The following ANKFN1 variants were observed in gnomAD, a reference collection of about 807,000 sequenced individuals.
ANKFN1 encodes ankyrin repeat and fibronectin type III domain containing 1.
A neutral mutation model predicts 108.7 loss-of-function variants in ANKFN1; 74 were observed. That is an observed-to-expected ratio of 0.68 (90% confidence interval 0.56 to 0.83). The LOEUF (loss-of-function observed/expected upper bound fraction) is 0.83, where lower values mean the gene tolerates loss of function less well. Ranked by LOEUF, ANKFN1 falls within the 40% of genes least tolerant of loss-of-function variation. The pLI is 0.00. For missense variants in ANKFN1, 1,505 were observed against 1,382.3 expected, an observed-to-expected ratio of 1.09 and a Z score of -1.41; for synonymous variants, 547 against 516.2, an observed-to-expected ratio of 1.06 and a Z score of -0.81.
chr17:56,127,354 C>T (rs894196054), intron 4 of ANKFN1, among the ~76,000 whole-genome samples: 9 of 152,090 alleles, frequency 5.9e-5, no homozygotes, highest in Non-Finnish European at 1.3e-4. Context: ...TGCTCTGTTG[C>T]CCTGACTGGA....
intron 18 of ANKFN1, among the ~76,000 whole-genome samples, chr17:56,485,441 T>C (rs766316831): frequency 6.6e-6 from 1 of 152,128 alleles, no homozygotes; most frequent in African/African-American, 2.4e-5. Flanking sequence ...GAGATCAGCA[T>C]ATCTGGAGCA....
At chr17:56,507,095 A>G (rs548988425) in intron 20 of ANKFN1, among the ~76,000 whole-genome samples, 2 of 152,318 alleles carry the variant, frequency 1.3e-5, no homozygotes, top group African/African-American at 4.8e-5. Flanking sequence ...ACTACAGTCA[A>G]TTATGAATTC....
chr17:56,315,721 C>G (rs994017699), intron 3 of ANKFN1, among the ~76,000 whole-genome samples: 9 of 152,136 alleles, frequency 5.9e-5, no homozygotes, highest in Admixed American at 3.9e-4. Context: ...TAGAAAGTAG[C>G]CAGAGCAGCC....
intron 1 of ANKFN1, among the ~76,000 whole-genome samples, chr17:56,162,960 T>C (rs1015792205): frequency 6.7e-6 from 1 of 150,012 alleles, no homozygotes; most frequent in African/African-American, 2.5e-5. Flanking sequence ...GCTTGAACCC[T>C]GGAGGCAGAG....
Position 56,499,389 on chromosome 17 carries a change from T to C in ANKFN1, c.2644+291T>C, listed in dbSNP as rs140793530. Among the ~76,000 whole-genome samples, 10 of 152,200 alleles carry C rather than the reference T, an allele frequency of 6.6e-5. No homozygotes were observed. In the East Asian group the frequency reaches 1.9e-3, roughly 29 times the overall value. On this transcript the variant is annotated intron_variant, in intron 20 of 20. Coordinates refer to ENST00000682825, the MANE Select transcript of ANKFN1 (RefSeq NM_001370326.1). ...TAAAACAGGGATACAGCTTCAAAGA[T>C]GCAGACTGGGGACCACTGTGATGCC...
chr17:56,073,308 T>A (rs1325532446), intron 4 of ANKFN1, among the ~76,000 whole-genome samples: 3 of 152,232 alleles, frequency 2.0e-5, no homozygotes, highest in Non-Finnish European at 4.4e-5. Context: ...TTTCTTAACA[T>A]CCTAACGTTT....
At chr17:56,449,783 G>A (rs567583971) in intron 11 of ANKFN1, among the ~76,000 whole-genome samples, 19 of 152,176 alleles carry the variant, frequency 1.2e-4, no homozygotes, top group African/African-American at 4.6e-4. Context: ...CTCCTGACAC[G>A]CTTCATTTTT....
At chr17:56,437,990 G>GTGTA (rs1388953193) in intron 8 of ANKFN1, among the ~76,000 whole-genome samples, 6 of 151,500 alleles carry the variant, frequency 4.0e-5, no homozygotes, top group African/African-American at 1.2e-4. Flanking sequence ...GTGTGTGTGT[G>GTGTA]TGTGTGTGTG....
intron 1 of ANKFN1, among the ~76,000 whole-genome samples, chr17:56,185,378 A>T (rs535707766): frequency 5.9e-5 from 9 of 152,318 alleles, no homozygotes; most frequent in African/African-American, 1.9e-4. Flanking sequence ...CATAAATCCC[A>T]GTTTTAATTA....
chr17:56,065,080 C>A (rs1408645275), intron 4 of ANKFN1, among the ~76,000 whole-genome samples: 3 of 152,182 alleles, frequency 2.0e-5, no homozygotes, highest in African/African-American at 7.2e-5. Context: ...TGGATGCCTT[C>A]ATTGGTGGTG....
chr17:56,350,805 A>T lies in ANKFN1; in HGVS notation c.228A>T (p.Leu76Phe). The T allele has an allele frequency of 6.2e-7, 1 of 1,613,806 alleles. No homozygotes were observed. The highest frequency in any genetic ancestry group is 8.5e-7 in the Non-Finnish European group (1 of 1,179,816). ...AAATGACGCAACAAATGCAAAATTT[A>T]CATCTCTGTCAGTCAAAAAAACATA... ...RVKMTQQMQN[L>F]HLCQSKKHSA... The change falls in exon 5 of 21, where the codon TTA (leucine) becomes TTT (phenylalanine). Residue 76 changes from leucine (L) to phenylalanine (F), a missense_variant. By Grantham distance (22) the Leu-to-Phe change is conservative. Coordinates refer to ENST00000682825, the MANE Select transcript of ANKFN1 (RefSeq NM_001370326.1).
chr17:56,211,933 T>C (rs1349815184), intron 1 of ANKFN1, among the ~76,000 whole-genome samples: 1 of 152,234 alleles, frequency 6.6e-6, no homozygotes, highest in Non-Finnish European at 1.5e-5. Context: ...GAACTACTGA[T>C]ATGTGTACAT....
At chr17:56,081,685 G>A (rs999351338) in intron 4 of ANKFN1, among the ~76,000 whole-genome samples, 10 of 152,112 alleles carry the variant, frequency 6.6e-5, no homozygotes, top group Non-Finnish European at 1.3e-4. Context: ...ACCTACTTCC[G>A]GCATCTTGTA....
intron 15 of ANKFN1, among the ~76,000 whole-genome samples, chr17:56,474,776 C>T (rs1225436138): frequency 6.6e-6 from 1 of 152,114 alleles, no homozygotes; most frequent in Non-Finnish European, 1.5e-5. Context: ...TCCCAAATTC[C>T]ACCTTGACTG....
chr17:56,089,549 C>G (rs1175603317), intron 4 of ANKFN1, among the ~76,000 whole-genome samples: 1 of 151,404 alleles, frequency 6.6e-6, no homozygotes, highest in Non-Finnish European at 1.5e-5. Context: ...CTGTCCAATA[C>G]TGAATAGTAT....
At chr17:56,126,862 A>ATT (rs535684347) in intron 4 of ANKFN1, among the ~76,000 whole-genome samples, 2 of 152,208 alleles carry the variant, frequency 1.3e-5, no homozygotes, top group African/African-American at 4.8e-5. Flanking sequence ...AGATATTTAA[A>ATT]TTTTTTTTCT....
chr17:56,385,963 A>C (rs1053551200), intron 8 of ANKFN1, among the ~76,000 whole-genome samples: 1 of 152,180 alleles, frequency 6.6e-6, no homozygotes, highest in Non-Finnish European at 1.5e-5. Flanking sequence ...CAGCCATCCC[A>C]TTACTGGGTA....
chr17:56,170,328 A>G (rs189575005), intron 1 of ANKFN1, among the ~76,000 whole-genome samples: 6 of 152,250 alleles, frequency 3.9e-5, no homozygotes, highest in Non-Finnish European at 7.3e-5. Context: ...ACCAATGCAA[A>G]TACGGGAGTA....
At chr17:56,295,765 A>AGG (rs1246371856) in intron 3 of ANKFN1, among the ~76,000 whole-genome samples, 3 of 152,240 alleles carry the variant, frequency 2.0e-5, no homozygotes, top group African/African-American at 7.2e-5. Flanking sequence ...GCTTCTGGCA[A>AGG]GGGCCATCTT....
Sources: allele counts gnomAD v4.1 joint callset (sites outside exome capture counted in the v4.1 genomes callset), GRCh38; gene constraint gnomAD v4.1.1; transcripts MANE v1.5; gene names NCBI Gene and HGNC (gene_info 2026-07-23, HGNC 2026-07-21).